The following ARHGEF28 variants were observed in gnomAD, a reference collection of about 807,000 sequenced individuals.
The protein encoded by ARHGEF28 is 190 kDa guanine nucleotide exchange factor.
ARHGEF28 carries 152 observed loss-of-function variants against 206.6 expected under a neutral mutation model. That is an observed-to-expected ratio of 0.74 (90% CI 0.64 to 0.84). The LOEUF is 0.84. Ranked by LOEUF, ARHGEF28 falls within the 40% of genes least tolerant of loss-of-function variation. The pLI, the probability that ARHGEF28 is intolerant of heterozygous loss-of-function variation, is 0.00. For synonymous variants in ARHGEF28, 763 were observed against 776.4 expected, an observed-to-expected ratio of 0.98 and a Z score of 0.29; for missense variants, 2,028 against 2,073.2, an observed-to-expected ratio of 0.98 and a Z score of 0.42.
At chr5:73,641,995 C>A (rs1744138944) in intron 1 of ARHGEF28, among the ~76,000 whole-genome samples, 1 of 152,192 alleles carries the variant, frequency 6.6e-6, no homozygotes, top group Non-Finnish European at 1.5e-5. Flanking sequence ...GGTTAAGCAA[C>A]CTGCTGCGGG....
intron 2 of ARHGEF28, among the ~76,000 whole-genome samples, chr5:73,705,454 A>G (rs1446224012): frequency 2.0e-5 from 3 of 152,198 alleles, no homozygotes; most frequent in African/African-American, 4.8e-5. Context: ...TTTTTAAACT[A>G]TGTGACATTT....
intron 5 of ARHGEF28, 46 bp downstream of exon 5, chr5:73,774,084 G>A (rs1385012013): frequency 1.3e-5 from 19 of 1,485,374 alleles, no homozygotes; most frequent in African/African-American, 1.1e-4. Context: ...GTATAAAGTC[G>A]GCCAAGCATT....
intron 2 of ARHGEF28, among the ~76,000 whole-genome samples, chr5:73,726,122 A>C (rs566050232): frequency 1.3e-5 from 2 of 152,260 alleles, no homozygotes; most frequent in African/African-American, 4.8e-5. Context: ...CATATCCCTA[A>C]AAGTTTAAAC....
chr5:73,687,025 TG>T (rs1336199122), intron 2 of ARHGEF28, among the ~76,000 whole-genome samples: 1 of 152,232 alleles, frequency 6.6e-6, no homozygotes, highest in Non-Finnish European at 1.5e-5. Context: ...ACATTCACTG[TG>T]CTTCCTGGCA....
intron 4 of ARHGEF28, among the ~76,000 whole-genome samples, chr5:73,763,968 T>C (rs1312063311): frequency 1.3e-5 from 2 of 152,104 alleles, no homozygotes; most frequent in Non-Finnish European, 2.9e-5. Context: ...CACATATCTA[T>C]TTAGTGACTG....
intron 7 of ARHGEF28, among the ~76,000 whole-genome samples, chr5:73,784,223 A>G (rs1018935233): frequency 1.8e-4 from 28 of 152,110 alleles, no homozygotes; most frequent in African/African-American, 6.3e-4. Flanking sequence ...CTCTGGGACA[A>G]TGTGTAGTAG....
At chr5:73,637,776 G>A (rs966510794) in intron 1 of ARHGEF28, among the ~76,000 whole-genome samples, 1 of 152,208 alleles carries the variant, frequency 6.6e-6, no homozygotes, top group African/African-American at 2.4e-5. Flanking sequence ...TAGCTCTTGA[G>A]GAGCTCTCAA....
intron 9 of ARHGEF28, among the ~76,000 whole-genome samples, chr5:73,822,525 A>C (rs1756660270): frequency 6.6e-6 from 1 of 152,204 alleles, no homozygotes; most frequent in South Asian, 2.1e-4. Flanking sequence ...CTCAGGTCCA[A>C]CTCAGAAGAG....
chr5:73,687,543 C>T (rs1042405493), intron 2 of ARHGEF28, among the ~76,000 whole-genome samples: 12 of 152,056 alleles, frequency 7.9e-5, no homozygotes, highest in Admixed American at 5.9e-4. Flanking sequence ...GAGTCTTAAA[C>T]CAAAATCTAC....
At chr5:73,937,890 C>G (rs1451827087) in intron 35 of ARHGEF28, among the ~76,000 whole-genome samples, 1 of 152,030 alleles carries the variant, frequency 6.6e-6, no homozygotes, top group African/African-American at 2.4e-5. Flanking sequence ...AATGGAGTAA[C>G]AAAATCAGAA....
intron 4 of ARHGEF28, among the ~76,000 whole-genome samples, chr5:73,755,722 T>C (rs1752272159): frequency 6.6e-6 from 1 of 152,162 alleles, no homozygotes; most frequent in Admixed American, 6.5e-5. Flanking sequence ...TTTTTGCTGG[T>C]AGAGATACAT....
At chr5:73,648,197 A>G (rs1397334778) in intron 1 of ARHGEF28, among the ~76,000 whole-genome samples, 7 of 152,198 alleles carry the variant, frequency 4.6e-5, no homozygotes, top group Non-Finnish European at 8.8e-5. Flanking sequence ...CTTTTGGTTG[A>G]CATTCACATT....
In ARHGEF28 at chr5:73,812,725, G is replaced by A. The variant is rs1227234965; in HGVS notation, c.1024+17334G>A. ...TGGTAAATTAGTCACCAGCTCTATT[G>A]AGGTGGACTGAAAGTTTAGATCGGA... On this transcript the variant is annotated intron_variant, in intron 9 of 35. Transcript: ENST00000513042. Among the ~76,000 whole-genome samples, 6 of 152,224 alleles carry A rather than the reference G, an allele frequency of 3.9e-5. No homozygotes were observed. In the East Asian group the frequency reaches 1.2e-3, roughly 29 times the overall value.
chr5:73,720,299 T>C (rs966694688), intron 2 of ARHGEF28, among the ~76,000 whole-genome samples: 4 of 152,156 alleles, frequency 2.6e-5, no homozygotes, highest in Non-Finnish European at 1.5e-5. Flanking sequence ...ATGGTCTTTC[T>C]CTTTAAATGA....
chr5:73,681,687 T>C (rs1747110432), intron 1 of ARHGEF28, among the ~76,000 whole-genome samples: 2 of 152,054 alleles, frequency 1.3e-5, no homozygotes, highest in South Asian at 2.1e-4. Context: ...TGGTGGTGCA[T>C]GCCTGTAATA....
At chr5:73,633,042 A>G (rs1268166100) in intron 1 of ARHGEF28, among the ~76,000 whole-genome samples, 3 of 151,818 alleles carry the variant, frequency 2.0e-5, no homozygotes, top group African/African-American at 2.4e-5. Context: ...ACAGATCATC[A>G]GGCATTAGAG....
intron 22 of ARHGEF28, among the ~76,000 whole-genome samples, chr5:73,879,636 T>C (rs1227852764): frequency 6.6e-6 from 1 of 152,238 alleles, no homozygotes; most frequent in Admixed American, 6.5e-5. Context: ...TTAGTTTTCC[T>C]TCTAACGGAC....
At chr5:73,861,722 C>T (rs1258599626) in intron 16 of ARHGEF28, among the ~76,000 whole-genome samples, 1 of 152,166 alleles carries the variant, frequency 6.6e-6, no homozygotes, top group Non-Finnish European at 1.5e-5. Flanking sequence ...CATTCCTTTG[C>T]ACATATCATT....
At chr5:73,687,301 C>A (rs1310951689) in intron 2 of ARHGEF28, among the ~76,000 whole-genome samples, 1 of 151,598 alleles carries the variant, frequency 6.6e-6, no homozygotes, top group African/African-American at 2.4e-5. Context: ...AAATTACATC[C>A]TAGTTGGCAT....
Sources: gnomAD v4.1 joint callset for allele counts (sites outside exome capture counted in the v4.1 genomes callset) on GRCh38, gnomAD v4.1.1 for gene constraint, MANE v1.5 for transcripts, NCBI Gene and HGNC (gene_info 2026-07-23, HGNC 2026-07-21) for gene names.